Variants in ST8SIA1 observed in about 807,000 individuals in gnomAD.
ST8SIA1 encodes the protein alpha-N-acetylneuraminide alpha-2,8-sialyltransferase.
ST8SIA1 carries 16 observed loss-of-function variants against 35.9 expected under a neutral mutation model. The ratio of observed to expected loss-of-function variants is 0.45; its 90% CI spans 0.30 to 0.68. ST8SIA1 has a LOEUF of 0.68. ST8SIA1 is among the 30% of genes least tolerant of loss of function. The pLI, the probability that ST8SIA1 is intolerant of heterozygous loss-of-function variation, is 0.09. For missense variants in ST8SIA1, 383 were observed against 453.6 expected (o/e 0.84, Z 1.41); for synonymous variants, 170 against 169.6 (o/e 1.00, Z -0.02).
At chr12:22,306,011 A>G (rs1275189218) in intron 1 of ST8SIA1, among the ~76,000 whole-genome samples, 1 of 152,190 alleles carries the variant, frequency 6.6e-6, no homozygotes, top group African/African-American at 2.4e-5. Flanking sequence ...AGTTCCTCCG[A>G]AAGTCCAGGA....
At chr12:22,245,935 TG>T (rs1351878196) in intron 4 of ST8SIA1, among the ~76,000 whole-genome samples, 1 of 152,158 alleles carries the variant, frequency 6.6e-6, no homozygotes, top group African/African-American at 2.4e-5. Flanking sequence ...GGGGGTGGTG[TG>T]CCCAGGGAGG....
intron 2 of ST8SIA1, among the ~76,000 whole-genome samples, chr12:22,265,047 G>A (rs1865830984): frequency 6.6e-6 from 1 of 152,216 alleles, no homozygotes; most frequent in Admixed American, 6.5e-5. Flanking sequence ...TACAACTCAT[G>A]TGGCATCAGT....
At chr12:22,217,875 C>T (rs1435111289) in intron 4 of ST8SIA1, among the ~76,000 whole-genome samples, 2 of 152,278 alleles carry the variant, frequency 1.3e-5, no homozygotes, top group East Asian at 3.9e-4. Flanking sequence ...AATAGGAAAC[C>T]ACTTCCTAGC....
At chr12:22,304,996 T>C (rs920272921) in intron 1 of ST8SIA1, among the ~76,000 whole-genome samples, 1 of 152,220 alleles carries the variant, frequency 6.6e-6, no homozygotes, top group Non-Finnish European at 1.5e-5. Context: ...TTTCCTTCAA[T>C]ATGCAGATTT....
Position 22,196,521 on chromosome 12 carries a change from A to T in ST8SIA1, c.*5031T>A, listed in dbSNP as rs1435031703. Reference sequence around the variant, plus strand: ...AGTCTCCTTCCACTTGCAAAATAGAAATTTTCTAGTGCTCAACCTAAATAT... The same window carrying T: ...AGTCTCCTTCCACTTGCAAAATAGATATTTTCTAGTGCTCAACCTAAATAT... On this transcript the variant is annotated 3_prime_UTR_variant, in exon 5 of 5. Coordinates refer to ENST00000396037, the MANE Select transcript of ST8SIA1 (RefSeq NM_003034.4). 1.3e-5 allele frequency: 2 copies of T among 152,152 alleles called. No homozygotes were observed. The highest frequency in any genetic ancestry group is 2.9e-5 in the Non-Finnish European group (2 of 68,028). 9.4% of individuals were successfully genotyped at this position (152,152 alleles called of 1,614,324 possible). A position where few individuals can be genotyped will look rare whatever the true frequency, so the allele number is the denominator to read the frequency against.
chr12:22,237,148 G>A (rs562255943), intron 4 of ST8SIA1, among the ~76,000 whole-genome samples: 77 of 152,220 alleles, frequency 5.1e-4, no homozygotes, highest in Middle Eastern at 6.8e-3. Flanking sequence ...ATCCAGGCTG[G>A]AGTACAGTGG....
Position 22,266,848 on chromosome 12 carries a change from TACACACACAC to T in ST8SIA1, c.382-11469_382-11460del, listed in dbSNP as rs145606826. 2.4e-3 allele frequency among the ~76,000 whole-genome samples: 352 copies of T among 145,052 alleles called. 1 individual carries two copies. The highest frequency in any genetic ancestry group is 3.8e-3 in the Non-Finnish European group (251 of 66,224). ...ACACCCACACACATACACAAAAGTATACACACACACACACACACACACACACACACACATA... is the reference window on the plus strand; with the variant it reads ...ACACCCACACACATACACAAAAGTATACACACACACACACACACACACATA... On this transcript the variant is annotated intron_variant, in intron 2 of 4. Coordinates refer to ENST00000396037, the MANE Select transcript of ST8SIA1 (RefSeq NM_003034.4).
At chr12:22,271,884 T>C (rs11610532) in intron 2 of ST8SIA1, among the ~76,000 whole-genome samples, 16,370 of 152,232 alleles carry the variant, frequency 0.11, 1,129 homozygotes, top group Middle Eastern at 0.24. Flanking sequence ...ACCTAAAACA[T>C]GAAATTTAAA....
At chr12:22,317,356 C>T (rs1425475091) in intron 1 of ST8SIA1, among the ~76,000 whole-genome samples, 2 of 152,146 alleles carry the variant, frequency 1.3e-5, no homozygotes, top group Admixed American at 1.3e-4. Context: ...AACTTAGCAG[C>T]TTAAAACAGC....
intron 3 of ST8SIA1, among the ~76,000 whole-genome samples, chr12:22,253,490 G>A (rs751683107): frequency 1.2e-4 from 18 of 152,100 alleles, no homozygotes; most frequent in African/African-American, 4.3e-4. Flanking sequence ...TCTGCTTAGG[G>A]TGAAACGAAG....
intron 1 of ST8SIA1, among the ~76,000 whole-genome samples, chr12:22,291,231 A>G (rs561183797): frequency 2.0e-5 from 3 of 152,314 alleles, no homozygotes; most frequent in African/African-American, 7.2e-5. Context: ...TGAAAATCCA[A>G]CCACTCCATT....
intron 1 of ST8SIA1, among the ~76,000 whole-genome samples, chr12:22,307,237 CA>C (rs1261700994): frequency 6.6e-6 from 1 of 152,062 alleles, no homozygotes; most frequent in African/African-American, 2.4e-5. Context: ...TGGTAATTAC[CA>C]AGCGCTGGGC....
At position 22,291,094 on chromosome 12, in the gene ST8SIA1, A is replaced by G. The variant is rs190367180; in HGVS notation, c.237-3801T>C. Among the ~76,000 whole-genome samples, 430 of 152,352 alleles carry G rather than the reference A, an allele frequency of 2.8e-3. 1 individual carries two copies. Among genetic ancestry groups the G allele is most frequent in the Non-Finnish European group, 4.8e-3 (326 of 68,036 alleles). ...AAGCCTGGGAGCCACTGGCTAGAAC[A>G]TCACTCAGGTTCTTATCCCTCCTAA... On this transcript the variant is annotated intron_variant, in intron 1 of 4. Coordinates refer to ENST00000396037, the MANE Select transcript of ST8SIA1 (RefSeq NM_003034.4).
chr12:22,324,674 T>C (rs529462514), intron 1 of ST8SIA1: 1 of 152,190 alleles, frequency 6.6e-6, no homozygotes, highest in African/African-American at 2.4e-5. Flanking sequence ...ATGAAAATAG[T>C]GTTGCTTTTA....
rs549034012 is a variant in ST8SIA1, at chr12:22,255,664, G to C, written c.382-275C>G. Among the ~76,000 whole-genome samples, 8 of 144,042 alleles carry C rather than the reference G, an allele frequency of 5.6e-5. No homozygotes were observed. The South Asian group carries it at 1.9e-3, about 34-fold the overall frequency. 94.5% of individuals were successfully genotyped at this position (144,042 alleles called of 152,430 possible). ...TCTCCAATTGGCCATGCACATAGTA[G>C]AAGGTGTTTGCTAGGGAAAATTAAA... is the stretch of plus-strand genomic sequence containing the variant. On this transcript the variant is annotated intron_variant, in intron 2 of 4. Coordinates refer to ENST00000396037, the MANE Select transcript of ST8SIA1 (RefSeq NM_003034.4).
At chr12:22,263,999 C>A (rs1020855274) in intron 2 of ST8SIA1, among the ~76,000 whole-genome samples, 2 of 152,146 alleles carry the variant, frequency 1.3e-5, no homozygotes, top group Non-Finnish European at 2.9e-5. Flanking sequence ...GAACTCAACT[C>A]ACACATCTAA....
intron 2 of ST8SIA1, among the ~76,000 whole-genome samples, chr12:22,273,988 G>A (rs1865941429): frequency 6.6e-6 from 1 of 152,124 alleles, no homozygotes; most frequent in Admixed American, 6.5e-5. Context: ...CCAGGAAATG[G>A]TTCTCAAACA....
At chr12:22,282,339 C>T (rs1176802468) in intron 2 of ST8SIA1, among the ~76,000 whole-genome samples, 3 of 152,130 alleles carry the variant, frequency 2.0e-5, no homozygotes, top group African/African-American at 7.2e-5. Context: ...AAGGGCTGAG[C>T]GAGATAACAT....
chr12:22,316,653 A>C (rs542820104), intron 1 of ST8SIA1, among the ~76,000 whole-genome samples: 2 of 152,346 alleles, frequency 1.3e-5, no homozygotes, highest in East Asian at 3.9e-4. Context: ...AAAAAAATTC[A>C]AACATAAACG....
Sources: allele counts gnomAD v4.1 joint callset (sites outside exome capture counted in the v4.1 genomes callset), GRCh38; gene constraint gnomAD v4.1.1; transcripts MANE v1.5; gene names NCBI Gene and HGNC (gene_info 2026-07-23, HGNC 2026-07-21).